ATG5: variants seen among roughly 807,000 people sequenced by gnomAD.
ATG5 encodes the protein autophagy protein 5.
In ATG5, 14 loss-of-function variants were observed where a neutral mutation model predicts 36.5. That is an observed-to-expected ratio of 0.38 (90% confidence interval 0.25 to 0.60). ATG5 has a LOEUF of 0.60. Among genes scored for constraint, ATG5 ranks in the 20% least tolerant of loss-of-function variants. The pLI is 0.60. For missense variants in ATG5, 195 were observed against 326.7 expected (o/e 0.60, Z 3.11); for synonymous variants, 95 against 101.5 (o/e 0.94, Z 0.38).
chr6:106,265,412 T>C (rs987016986), intron 5 of ATG5, among the ~76,000 whole-genome samples: 2 of 152,274 alleles, frequency 1.3e-5, no homozygotes, highest in African/African-American at 4.8e-5. Context: ...TGGGGGATTT[T>C]AACCCCCCAC....
At position 106,230,071 on chromosome 6, in the gene ATG5, C is replaced by T. The variant is rs561696604; in HGVS notation, c.573+18079G>A. 2.0e-5 allele frequency among the ~76,000 whole-genome samples: 3 copies of T among 152,292 alleles called. No individual in the cohort carries two copies. In the South Asian group the frequency reaches 6.2e-4, roughly 32 times the overall value. ...GACCTAGGAGGAACTCCCTTCAGGA[C>T]AGGATGATAGATGGTTCCTCCCAAA... is the stretch of plus-strand genomic sequence containing the variant. On this transcript the variant is annotated intron_variant, in intron 6 of 7. Transcript: ENST00000369076.
chr6:106,238,972 T>A (rs75238233), intron 6 of ATG5, among the ~76,000 whole-genome samples: 2,161 of 152,272 alleles, frequency 0.014, 166 homozygotes, highest in Admixed American at 0.13. Context: ...TAACTTAGTA[T>A]CATTTCTAAT....
intron 5 of ATG5, among the ~76,000 whole-genome samples, chr6:106,262,497 C>G (rs934703057): frequency 6.6e-6 from 1 of 152,152 alleles, no homozygotes; most frequent in African/African-American, 2.4e-5. Flanking sequence ...GTAAGTACAT[C>G]TAAAGTTTTC....
chr6:106,258,931 A>G (rs1778905820), intron 5 of ATG5, among the ~76,000 whole-genome samples: 1 of 152,222 alleles, frequency 6.6e-6, no homozygotes, highest in African/African-American at 2.4e-5. Context: ...ACAGAAATAA[A>G]TATTACTTGT....
intron 5 of ATG5, among the ~76,000 whole-genome samples, chr6:106,264,758 A>C (rs1779163484): frequency 6.6e-6 from 1 of 152,200 alleles, no homozygotes; most frequent in Non-Finnish European, 1.5e-5. Context: ...TCATAAGCGA[A>C]GGAGAAATAG....
chr6:106,227,573 G>C (rs965705830), intron 6 of ATG5, among the ~76,000 whole-genome samples: 3 of 134,742 alleles, frequency 2.2e-5, no homozygotes, highest in African/African-American at 7.4e-5. Context: ...TCTTGCAGTG[G>C]AGACCCTGTC....
At chr6:106,219,098 G>A (rs368112819) in intron 6 of ATG5, among the ~76,000 whole-genome samples, 39 of 152,052 alleles carry the variant, frequency 2.6e-4, no homozygotes, top group African/African-American at 8.4e-4. Flanking sequence ...AATTTTAAAC[G>A]AGCAGAATAA....
chr6:106,283,442 C>A (rs974398011), intron 4 of ATG5: 1 of 152,078 alleles, frequency 6.6e-6, no homozygotes, highest in Non-Finnish European at 1.5e-5. Flanking sequence ...GCTGCCCAGG[C>A]TGGAGTGCAG....
intron 5 of ATG5, among the ~76,000 whole-genome samples, chr6:106,270,715 T>G (rs1779422775): frequency 6.6e-6 from 1 of 152,218 alleles, no homozygotes; most frequent in South Asian, 2.1e-4. Flanking sequence ...GAATGCCTCA[T>G]TAGACATCTC....
At chr6:106,289,773 C>G (rs1398933316) in intron 4 of ATG5, among the ~76,000 whole-genome samples, 1 of 151,898 alleles carries the variant, frequency 6.6e-6, no homozygotes, top group Non-Finnish European at 1.5e-5. Flanking sequence ...AGAACAACAA[C>G]AACAAAAAAA....
At chr6:106,311,869 C>T (rs1205344410) in intron 2 of ATG5, among the ~76,000 whole-genome samples, 2 of 149,764 alleles carry the variant, frequency 1.3e-5, no homozygotes, top group Non-Finnish European at 3.0e-5. Flanking sequence ...TCACTCTTCT[C>T]ACCCAGGCTG....
intron 6 of ATG5, among the ~76,000 whole-genome samples, chr6:106,230,670 T>TC (rs1280625632): frequency 1.8e-4 from 27 of 151,978 alleles, no homozygotes; most frequent in Admixed American, 1.8e-3. Context: ...TAGGAAACGT[T>TC]CCCCTCAAGG....
intron 1 of ATG5, among the ~76,000 whole-genome samples, chr6:106,318,855 G>A (rs1770960157): frequency 6.6e-6 from 1 of 152,130 alleles, no homozygotes; most frequent in African/African-American, 2.4e-5. Flanking sequence ...CATGTCTCCA[G>A]TGAATACACT....
At chr6:106,218,243 A>C (rs1777114342) in intron 6 of ATG5, among the ~76,000 whole-genome samples, 1 of 152,206 alleles carries the variant, frequency 6.6e-6, no homozygotes, top group Admixed American at 6.5e-5. Context: ...TGGCCTCATG[A>C]ATAACTATCA....
chr6:106,218,430 T>C (rs1263806416), intron 6 of ATG5, among the ~76,000 whole-genome samples: 1 of 152,196 alleles, frequency 6.6e-6, no homozygotes, highest in Non-Finnish European at 1.5e-5. Flanking sequence ...GTGAACATTT[T>C]AAAAACACTC....
chr6:106,219,832 T>C (rs961937581), intron 6 of ATG5, among the ~76,000 whole-genome samples: 1 of 152,174 alleles, frequency 6.6e-6, no homozygotes, highest in Non-Finnish European at 1.5e-5. Flanking sequence ...GTGACTTTCA[T>C]GAAAAGATTA....
At chr6:106,269,383 T>C (rs1160393582) in intron 5 of ATG5, among the ~76,000 whole-genome samples, 1 of 131,044 alleles carries the variant, frequency 7.6e-6, no homozygotes, top group Non-Finnish European at 1.6e-5. Context: ...TGGAGCTGCC[T>C]GCCAGTCCCG....
At chr6:106,243,526 T>TG (rs564642449) in intron 6 of ATG5, among the ~76,000 whole-genome samples, 55,949 of 135,992 alleles carry the variant, frequency 0.41, 10,952 homozygotes, top group Admixed American at 0.51. Flanking sequence ...AGACCCTCTC[T>TG]GGGGAAAAAA....
intron 4 of ATG5, among the ~76,000 whole-genome samples, chr6:106,291,857 G>A (rs751271812): frequency 9.2e-5 from 14 of 152,230 alleles, no homozygotes; most frequent in Non-Finnish European, 1.5e-4. Flanking sequence ...ACTGTTCTTT[G>A]GTAACTAACG....
Sources: allele counts gnomAD v4.1 joint callset (sites outside exome capture counted in the v4.1 genomes callset), GRCh38; gene constraint gnomAD v4.1.1; transcripts MANE v1.5; gene names NCBI Gene and HGNC (gene_info 2026-07-23, HGNC 2026-07-21).